TTC12: variants seen among roughly 807,000 people sequenced by gnomAD.
TTC12 encodes the protein tetratricopeptide repeat protein 12.
TTC12 carries 70 observed loss-of-function variants against 90.1 expected under a neutral mutation model. The observed-to-expected ratio is 0.78, with a 90% CI of 0.64 to 0.95. TTC12 has a LOEUF of 0.95. Among genes scored for constraint, TTC12 ranks in the 40% least tolerant of loss-of-function variants. TTC12 has a pLI of 0.00. For missense variants in TTC12, 819 were observed against 846.1 expected, an observed-to-expected ratio of 0.97 and a Z score of 0.40; for synonymous variants, 296 against 311.5, an observed-to-expected ratio of 0.95 and a Z score of 0.53.
chr11:113,366,131 C>T (rs1950193429), intron 21 of TTC12, 94 bp from the exon 22 acceptor site: 2 of 1,383,958 alleles, frequency 1.4e-6, no homozygotes, highest in South Asian at 1.2e-5. Flanking sequence ...CTGACGTTCT[C>T]AGCCAGCTTC....
At chr11:113,339,537 C>A in intron 10 of TTC12, 63 bp downstream of exon 10, 6 of 1,424,276 alleles carry the variant, frequency 4.2e-6, no homozygotes, top group South Asian at 1.3e-5. Flanking sequence ...ATTCAGAGGT[C>A]TGCCTTTACC....
downstream of TTC12, among the ~76,000 whole-genome samples, chr11:113,370,228 A>C (rs1950345697): frequency 6.6e-6 from 1 of 152,048 alleles, no homozygotes. Flanking sequence ...GCAAACAGAT[A>C]CTCCTCTGTT....
chr11:113,323,180 A>G (rs781785976), intron 2 of TTC12, 108 bp from the exon 3 acceptor site: 361 of 813,026 alleles, frequency 4.4e-4, no homozygotes, highest in Middle Eastern at 7.3e-4. Flanking sequence ...CTATTGCTCT[A>G]TTTTTTTCTT....
intron 20 of TTC12, 156 bp from the exon 21 acceptor site, chr11:113,364,679 G>T (rs889741207): frequency 1.6e-6 from 1 of 639,730 alleles, no homozygotes. Context: ...TGCATTCAGT[G>T]AATGTTTGCT....
chr11:113,351,106 T>G (rs1949262783), intron 14 of TTC12, 133 bp from the exon 15 acceptor site: 1 of 682,192 alleles, frequency 1.5e-6, no homozygotes, highest in Non-Finnish European at 2.4e-6. Context: ...TTTCTTTTTT[T>G]GGTTCTGAAT....
At chr11:113,370,504 AT>A (rs1950353053), downstream of TTC12, among the ~76,000 whole-genome samples, 1 of 152,194 alleles carries the variant, frequency 6.6e-6, no homozygotes, top group Non-Finnish European at 1.5e-5. Flanking sequence ...AAGCTGCTGG[AT>A]GACTTATTTC....
intron 7 of TTC12, among the ~76,000 whole-genome samples, chr11:113,332,822 C>T (rs1425001045): frequency 6.6e-6 from 1 of 152,182 alleles, no homozygotes; most frequent in Non-Finnish European, 1.5e-5. Flanking sequence ...TTTCCCACTC[C>T]CTGCCCTAGC....
chr11:113,325,707 G>A (rs1463740298), intron 6 of TTC12, 62 bp downstream of exon 6: 1 of 1,596,064 alleles, frequency 6.3e-7, no homozygotes, highest in Non-Finnish European at 8.5e-7. Flanking sequence ...CTAAACTTGG[G>A]AAAACAAAGA....
At position 113,332,755 on chromosome 11, in the gene TTC12, G is replaced by C. The variant is rs75983283; in HGVS notation, c.505-2211G>C. ...CCTGCAGGTGCCTTTTGATAGTCTT[G>C]ATGTCATCTGAAACTCAGTATGTCT... On this transcript the variant is annotated intron_variant, in intron 7 of 21. Coordinates refer to ENST00000529221, the MANE Select transcript of TTC12 (RefSeq NM_017868.4). Among the ~76,000 whole-genome samples the C allele has an allele frequency of 9.8e-3, 1,489 of 152,198 alleles. 27 individuals carry two copies. The highest frequency in any genetic ancestry group is 0.034 in the African/African-American group (1,424 of 41,526).
At chr11:113,343,780 G>A (rs1260766004) in intron 12 of TTC12, among the ~76,000 whole-genome samples, 5 of 152,148 alleles carry the variant, frequency 3.3e-5, no homozygotes, top group African/African-American at 9.7e-5. Context: ...CACTTTATTC[G>A]TTAGTGCTCT....
chr11:113,334,144 T>C (rs1351566117), intron 7 of TTC12, among the ~76,000 whole-genome samples: 1 of 152,210 alleles, frequency 6.6e-6, no homozygotes. Flanking sequence ...CTTGAACTCT[T>C]AACCTCTTCA....
At chr11:113,359,311 TA>T in intron 16 of TTC12, 51 bp from the exon 17 acceptor site, 1 of 1,255,990 alleles carries the variant, frequency 8.0e-7, no homozygotes, top group South Asian at 1.3e-5. Context: ...AAGATGACCA[TA>T]AAAAGCTGTA....
At chr11:113,324,319 C>T (rs78001843) in intron 4 of TTC12, 172 of 535,372 alleles carry the variant, frequency 3.2e-4, no homozygotes, top group Middle Eastern at 9.7e-4. Context: ...TTATGCTAAA[C>T]GGAACAAAAA....
At chr11:113,335,356 CCTGT>C (rs1555143741) in intron 8 of TTC12, among the ~76,000 whole-genome samples, 2 of 152,136 alleles carry the variant, frequency 1.3e-5, no homozygotes, top group African/African-American at 2.4e-5. Context: ...GATCAGTCAA[CCTGT>C]CTATCTACCT....
At chr11:113,372,831 T>C (rs1242416496) in intron 21 of TTC12, among the ~76,000 whole-genome samples, 1 of 152,138 alleles carries the variant, frequency 6.6e-6, no homozygotes, top group African/African-American at 2.4e-5. Flanking sequence ...ACCCTGGGTG[T>C]CATTGCTCAC....
At chr11:113,365,925 T>C (rs1202522546) in intron 21 of TTC12, among the ~76,000 whole-genome samples, 2 of 152,246 alleles carry the variant, frequency 1.3e-5, no homozygotes, top group African/African-American at 4.8e-5. Flanking sequence ...GCACATTAGC[T>C]AGGATGACTT....
At chr11:113,322,485 G>A (rs782820504) in intron 2 of TTC12, among the ~76,000 whole-genome samples, 4 of 152,164 alleles carry the variant, frequency 2.6e-5, no homozygotes, top group African/African-American at 9.7e-5. Flanking sequence ...GCAGGAAGTC[G>A]ATGGCATCTC....
At position 113,350,145 on chromosome 11, in the gene TTC12, A is replaced by C; in HGVS notation, c.1227A>C (p.Thr409=). 3 of 1,613,186 alleles carry C rather than the reference A, an allele frequency of 1.9e-6. No homozygotes were observed. The highest frequency in any genetic ancestry group is 1.7e-6 in the Non-Finnish European group (2 of 1,179,224). ...CCAACACTGCTATGGGACTGTTCACAGACTTGGCTCTGGAAGAAAGGTAAT... is the reference window on the plus strand; with the variant it reads ...CCAACACTGCTATGGGACTGTTCACCGACTTGGCTCTGGAAGAAAGGTAAT... The part of the protein sequence containing the change: ...KEANTAMGLF[T]DLALEERFQV... The change falls in exon 14 of 22, where the codon ACA becomes ACC. Residue 409 remains threonine (T), a synonymous_variant. Coordinates refer to ENST00000529221, the MANE Select transcript of TTC12 (RefSeq NM_017868.4).
rs781960394 is a variant in TTC12 at position 113,352,196 on chromosome 11, T to C, written c.1435T>C (p.Leu479=). The C allele has an allele frequency of 2.5e-6, 4 of 1,614,248 alleles. No individual in the cohort carries two copies. Among genetic ancestry groups the C allele is most frequent in the Non-Finnish European group, 3.4e-6 (4 of 1,180,038 alleles). Residue 479 remains leucine (L), a synonymous_variant, in exon 16 of 22, where the codon TTG becomes CTG. Coordinates refer to ENST00000529221, the MANE Select transcript of TTC12 (RefSeq NM_017868.4). ...CTGTGAGGAATTTGGGGATGGCTGC[T>C]TGAGCCTCCTGGTATGTTAGCTTTT... The part of the protein sequence containing the change: ...AACEEFGDGC[L]SLLARCEEDV...
Sources: allele counts gnomAD v4.1 joint callset (sites outside exome capture counted in the v4.1 genomes callset), GRCh38; gene constraint gnomAD v4.1.1; transcripts MANE v1.5; gene names NCBI Gene and HGNC (gene_info 2026-07-23, HGNC 2026-07-21).